LPP: variants seen among roughly 807,000 people sequenced by gnomAD.
The protein encoded by LPP is LIM domain containing preferred translocation partner in lipoma.
In LPP, 38 loss-of-function variants were observed where a neutral mutation model predicts 60.4. That is an observed-to-expected ratio of 0.63 (90% CI 0.49 to 0.83). The LOEUF (loss-of-function observed/expected upper bound fraction) is 0.83. LPP is among the 40% of genes least tolerant of loss of function. The probability of loss-of-function intolerance (pLI) is 0.00; values close to 1 mark genes in which losing one functional copy is unlikely to be tolerated. For missense variants in LPP, 902 were observed against 783.6 expected, an observed-to-expected ratio of 1.15 and a Z score of -1.80; for synonymous variants, 328 against 290.8, an observed-to-expected ratio of 1.13 and a Z score of -1.30.
intron 2 of LPP, among the ~76,000 whole-genome samples, chr3:188,263,739 C>G (rs1189991360): frequency 6.6e-6 from 1 of 152,200 alleles, no homozygotes; most frequent in Non-Finnish European, 1.5e-5. Flanking sequence ...TTAATAAGTA[C>G]CTTTCTAACC....
At chr3:188,836,711 G>A (rs1220395069) in intron 9 of LPP, among the ~76,000 whole-genome samples, 1 of 152,132 alleles carries the variant, frequency 6.6e-6, no homozygotes, top group African/African-American at 2.4e-5. Flanking sequence ...TAAGTGTTTT[G>A]TGTTCTTTGC....
At chr3:188,686,870 A>G (rs1268960228) in intron 7 of LPP, among the ~76,000 whole-genome samples, 1 of 152,226 alleles carries the variant, frequency 6.6e-6, no homozygotes, top group African/African-American at 2.4e-5. Flanking sequence ...AGCACAAAAA[A>G]CAAGGAGTGA....
At chr3:188,549,290 C>T (rs1485671393) in intron 6 of LPP, among the ~76,000 whole-genome samples, 2 of 151,976 alleles carry the variant, frequency 1.3e-5, no homozygotes, top group African/African-American at 2.4e-5. Context: ...TGCTGGAATA[C>T]ATCATCCCCA....
At chr3:188,328,549 T>C (rs1255129983) in intron 2 of LPP, among the ~76,000 whole-genome samples, 1 of 152,236 alleles carries the variant, frequency 6.6e-6, no homozygotes, top group African/African-American at 2.4e-5. Flanking sequence ...ATAAGCTCTC[T>C]TGCTTTATTT....
intron 9 of LPP, among the ~76,000 whole-genome samples, chr3:188,776,197 CAG>C (rs1297957253): frequency 3.3e-5 from 5 of 152,112 alleles, no homozygotes; most frequent in African/African-American, 4.8e-5. Flanking sequence ...TGTGAGAGCT[CAG>C]AGGAAAGGCC....
chr3:188,291,989 AT>A (rs2150052236), intron 2 of LPP, among the ~76,000 whole-genome samples: 1 of 152,340 alleles, frequency 6.6e-6, no homozygotes, highest in Non-Finnish European at 1.5e-5. Context: ...AAAAATGCCC[AT>A]TTTAATTTTC....
chr3:188,281,044 C>T (rs1400288794), intron 2 of LPP, among the ~76,000 whole-genome samples: 2 of 151,770 alleles, frequency 1.3e-5, no homozygotes, highest in East Asian at 1.9e-4. Flanking sequence ...AAGCGATTCT[C>T]CTGCCTCAGC....
At chr3:188,644,839 T>C (rs2148866934) in intron 7 of LPP, among the ~76,000 whole-genome samples, 1 of 152,306 alleles carries the variant, frequency 6.6e-6, no homozygotes. Context: ...ACAAGGTAGC[T>C]GTGGCTTGGT....
At chr3:188,258,091 C>T (rs565516064) in intron 2 of LPP, among the ~76,000 whole-genome samples, 9 of 152,350 alleles carry the variant, frequency 5.9e-5, no homozygotes, top group East Asian at 1.9e-4. Flanking sequence ...GACAGGCCCA[C>T]GGGGCCCAGA....
At chr3:188,485,868 G>C (rs545986978) in intron 5 of LPP, among the ~76,000 whole-genome samples, 2 of 150,644 alleles carry the variant, frequency 1.3e-5, no homozygotes, top group African/African-American at 4.9e-5. Context: ...AAACTACTGA[G>C]TGAGAACATG....
intron 9 of LPP, among the ~76,000 whole-genome samples, chr3:188,763,728 C>T (rs1042751973): frequency 1.3e-4 from 20 of 151,932 alleles, no homozygotes; most frequent in African/African-American, 4.8e-4. Flanking sequence ...CATTTTAAAA[C>T]CATTTGCCAG....
intron 7 of LPP, among the ~76,000 whole-genome samples, chr3:188,669,713 T>C (rs1454264276): frequency 6.6e-6 from 1 of 152,188 alleles, no homozygotes; most frequent in Non-Finnish European, 1.5e-5. Flanking sequence ...CTCAAGGATC[T>C]AGAACTAGAA....
At chr3:188,455,159 A>C (rs1260922393) in intron 4 of LPP, among the ~76,000 whole-genome samples, 2 of 152,178 alleles carry the variant, frequency 1.3e-5, no homozygotes. Context: ...GTCAAGTTGC[A>C]TGGTTTCTGG....
At chr3:188,349,244 G>C (rs753792737) in intron 3 of LPP, among the ~76,000 whole-genome samples, 4 of 152,118 alleles carry the variant, frequency 2.6e-5, no homozygotes, top group Non-Finnish European at 4.4e-5. Context: ...AGCTTAATCA[G>C]TTATTTTTGC....
intron 9 of LPP, among the ~76,000 whole-genome samples, chr3:188,786,405 A>AAAC (rs1405735280): frequency 1.4e-5 from 2 of 138,778 alleles, no homozygotes; most frequent in Non-Finnish European, 3.1e-5. Context: ...AAAAAAAAAA[A>AAAC]AAAAAACCAA....
chr3:188,283,598 A>G (rs1742867760), intron 2 of LPP, among the ~76,000 whole-genome samples: 1 of 152,198 alleles, frequency 6.6e-6, no homozygotes, highest in African/African-American at 2.4e-5. Flanking sequence ...TCAGATAAGT[A>G]TGCTATATAT....
intron 3 of LPP, among the ~76,000 whole-genome samples, chr3:188,360,416 C>A (rs1474609366): frequency 1.3e-5 from 2 of 152,118 alleles, no homozygotes; most frequent in Non-Finnish European, 2.9e-5. Context: ...GCCTCCTTCT[C>A]TCTCTCCTCT....
chr3:188,582,508 T>G lies in LPP; in HGVS notation c.430-26653T>G, dbSNP rs1207165582. ...GAATGTTGTTTTCCTTTGGTGGGGCTTGGGGAGGGGTGTCTTTCCTAGGGC... is the reference window on the plus strand; with the variant it reads ...GAATGTTGTTTTCCTTTGGTGGGGCGTGGGGAGGGGTGTCTTTCCTAGGGC... On this transcript the variant is annotated intron_variant, in intron 6 of 11. Coordinates refer to ENST00000617246, the MANE Select transcript of LPP (RefSeq NM_001375462.1). Among the ~76,000 whole-genome samples, 3 of 151,992 alleles carry G rather than the reference T, an allele frequency of 2.0e-5. No homozygotes were observed. In the East Asian group the frequency reaches 5.8e-4, roughly 29 times the overall value.
intron 1 of LPP, among the ~76,000 whole-genome samples, chr3:188,189,043 A>G (rs1181314893): frequency 5.3e-5 from 8 of 152,188 alleles, no homozygotes; most frequent in African/African-American, 1.2e-4. Context: ...ACATACATCC[A>G]AAATCTCACA....
Sources: gnomAD v4.1 joint callset for allele counts (sites outside exome capture counted in the v4.1 genomes callset) on GRCh38, gnomAD v4.1.1 for gene constraint, MANE v1.5 for transcripts, NCBI Gene and HGNC (gene_info 2026-07-23, HGNC 2026-07-21) for gene names.